TAF4B: variants seen among roughly 807,000 people sequenced by gnomAD.
The protein encoded by TAF4B is TATA-box binding protein associated factor 4b.
TAF4B carries 38 observed loss-of-function variants against 86.4 expected under a neutral mutation model. That is an observed-to-expected ratio of 0.44 (90% CI 0.34 to 0.58). The LOEUF (loss-of-function observed/expected upper bound fraction) is 0.58. Among genes scored for constraint, TAF4B ranks in the 20% least tolerant of loss-of-function variants. The pLI is 0.02. For synonymous variants in TAF4B, 388 were observed against 391.2 expected (o/e 0.99, Z 0.10); for missense variants, 988 against 1,027.6 (o/e 0.96, Z 0.53).
Position 26,335,221 on chromosome 18 carries a change from A to C in TAF4B, c.2306A>C (p.Lys769Thr). The change falls in exon 13 of 15, where the codon AAA becomes ACA. Residue 769 changes from lysine (K) to threonine (T), a missense_variant. This residue lies in a region of TAF4B where 216 missense variants were observed against 238.4 expected (regional missense o/e 0.91). Transcript: ENST00000269142. ...CCAGAACAGCTGAGATTAAAGCAGAAAGCCAAAGAGGTAGGACTTTCAAGT... is the reference window on the plus strand; with the variant it reads ...CCAGAACAGCTGAGATTAAAGCAGACAGCCAAAGAGGTAGGACTTTCAAGT... ...EDPEQLRLKQ[K>T]AKELQQLELA... 6.2e-7 allele frequency: 1 copy of C among 1,613,678 alleles called. No homozygotes were observed. The highest frequency in any genetic ancestry group is 8.5e-7 in the Non-Finnish European group (1 of 1,179,706).
chr18:26,391,483 A>G lies in TAF4B; in HGVS notation c.*1471A>G, dbSNP rs531509946. The G allele has an allele frequency of 6.3e-4, 96 of 152,008 alleles. 2 individuals carry two copies. The highest frequency in any genetic ancestry group is 2.2e-3 in the African/African-American group (90 of 41,518). The allele number at this position is 152,008 out of a possible 1,614,324, so 9.4% of individuals were successfully genotyped here. Reference sequence around the variant, plus strand: ...TGGCCACATTTTTTTTTGTTTCAGCAAGTTATGTAAAATGCTATAAATTAT... The same window carrying G: ...TGGCCACATTTTTTTTTGTTTCAGCGAGTTATGTAAAATGCTATAAATTAT... On this transcript the variant is annotated 3_prime_UTR_variant, in exon 15 of 15. Transcript: ENST00000269142.
intron 14 of TAF4B, among the ~76,000 whole-genome samples, chr18:26,380,552 T>A (rs2057471155): frequency 6.6e-6 from 1 of 152,368 alleles, no homozygotes; most frequent in Middle Eastern, 3.4e-3. Context: ...AATGTCTTTC[T>A]CGTGAATTGC....
Position 26,292,236 on chromosome 18 carries a change from AT to A in TAF4B, c.1591-8del, listed in dbSNP as rs1568132565. ...TTGAACAACTATATTGATAGTTCTCATTGTTTCAGGTAGTTCAGCAGCCTTC... is the reference window on the plus strand; with the variant it reads ...TTGAACAACTATATTGATAGTTCTCATGTTTCAGGTAGTTCAGCAGCCTTC... On this transcript the variant is annotated splice_polypyrimidine_tract_variant and intron_variant, in intron 7 of 14. Transcript: ENST00000269142. 4.3e-6 allele frequency: 7 copies of A among 1,612,262 alleles called. No homozygotes were observed. Among genetic ancestry groups the A allele is most frequent in the South Asian group, 3.3e-5 (3 of 90,598 alleles).
At chr18:26,292,069 C>T (rs961435833) in intron 7 of TAF4B, among the ~76,000 whole-genome samples, 177 bp from the exon 8 acceptor site, 4 of 152,054 alleles carry the variant, frequency 2.6e-5, no homozygotes, top group Non-Finnish European at 4.4e-5. Flanking sequence ...GAGATAGTAA[C>T]GTTTTTCACT....
intron 14 of TAF4B, among the ~76,000 whole-genome samples, chr18:26,359,233 A>G (rs2057312488): frequency 6.6e-6 from 1 of 152,212 alleles, no homozygotes; most frequent in African/African-American, 2.4e-5. Flanking sequence ...ACTGTATTTA[A>G]GTAAACCATA....
chr18:26,233,706 C>T (rs1347189118), intron 1 of TAF4B, among the ~76,000 whole-genome samples: 1 of 152,164 alleles, frequency 6.6e-6, no homozygotes, highest in African/African-American at 2.4e-5. Flanking sequence ...AGGACTTAAA[C>T]CACTTCCTCA....
intron 13 of TAF4B, 117 bp from the exon 14 acceptor site, chr18:26,357,573 T>A: frequency 1.6e-6 from 1 of 613,972 alleles, no homozygotes; most frequent in Non-Finnish European, 2.6e-6. Flanking sequence ...AATCTAATGT[T>A]TATTTTATAT....
chr18:26,390,942 T>C lies in TAF4B; in HGVS notation c.*930T>C, dbSNP rs1978672043. Reference sequence around the variant, plus strand: ...GTATTTCAAAAGGAAAATGTTATTTTTTGTTTTGTATTGTTTTAAATCCCA... The same window carrying C: ...GTATTTCAAAAGGAAAATGTTATTTCTTGTTTTGTATTGTTTTAAATCCCA... On this transcript the variant is annotated 3_prime_UTR_variant, in exon 15 of 15. Coordinates refer to ENST00000269142, the MANE Select transcript of TAF4B (RefSeq NM_005640.3). 6.6e-6 allele frequency: 1 copy of C among 152,238 alleles called. No individual in the cohort carries two copies. Among genetic ancestry groups the C allele is most frequent in the African/African-American group, 2.4e-5 (1 of 41,464 alleles). 9.4% of individuals were successfully genotyped at this position (152,238 alleles called of 1,614,324 possible).
chr18:26,358,626 C>T (rs1337995649), intron 14 of TAF4B, among the ~76,000 whole-genome samples: 2 of 152,166 alleles, frequency 1.3e-5, no homozygotes, highest in Admixed American at 6.5e-5. Flanking sequence ...AGGAGAATGG[C>T]GTGAACCCGG....
Position 26,346,895 on chromosome 18 carries a change from A to G in TAF4B, c.2317-10795A>G, listed in dbSNP as rs1289370902. On this transcript the variant is annotated intron_variant, in intron 13 of 14. Coordinates refer to ENST00000269142, the MANE Select transcript of TAF4B (RefSeq NM_005640.3). ...TATATGTGTATATATATATATATAT[A>G]TATATGTGTGTGTATATATATATAT... Among the ~76,000 whole-genome samples, 14 of 9,888 alleles carry G rather than the reference A, an allele frequency of 1.4e-3. 1 individual carries two copies. The highest frequency in any genetic ancestry group is 1.9e-3 in the African/African-American group (10 of 5,230). The allele number at this position is 9,888 out of a possible 152,430, so 6.5% of individuals were successfully genotyped here.
chr18:26,288,508 A>G (rs2144602523), intron 7 of TAF4B, among the ~76,000 whole-genome samples: 1 of 152,188 alleles, frequency 6.6e-6, no homozygotes, highest in African/African-American at 2.4e-5. Flanking sequence ...GGTGGTGGGC[A>G]CCTGTAATCC....
At chr18:26,256,074 C>G (rs117250420) in intron 1 of TAF4B, 62 of 1,402,880 alleles carry the variant, frequency 4.4e-5, no homozygotes, top group Non-Finnish European at 6.3e-5. Context: ...GATAGAGTCA[C>G]TTTCTTTGGT....
intron 14 of TAF4B, among the ~76,000 whole-genome samples, chr18:26,371,900 G>T (rs948034143): frequency 1.3e-5 from 2 of 152,168 alleles, no homozygotes; most frequent in Admixed American, 1.3e-4. Context: ...TCCTCAAAGG[G>T]CCTGCAGCCA....
chr18:26,255,550 C>G, intron 1 of TAF4B: 1 of 540,014 alleles, frequency 1.9e-6, no homozygotes, highest in South Asian at 2.8e-5. Flanking sequence ...TGCAGTGAGC[C>G]AAGATCACGC....
intron 1 of TAF4B, among the ~76,000 whole-genome samples, chr18:26,261,036 C>T (rs995859765): frequency 1.5e-4 from 23 of 152,152 alleles, no homozygotes. Flanking sequence ...CTGGTCCCCA[C>T]TCCTTGGGTG....
At chr18:26,272,914 AACTT>A (rs1422230129) in intron 3 of TAF4B, among the ~76,000 whole-genome samples, 12 of 152,108 alleles carry the variant, frequency 7.9e-5, no homozygotes, top group East Asian at 1.9e-4. Context: ...AAATTGTACT[AACTT>A]AGGTGTAATT....
At chr18:26,383,061 A>C (rs1218028331) in intron 14 of TAF4B, among the ~76,000 whole-genome samples, 3 of 152,162 alleles carry the variant, frequency 2.0e-5, no homozygotes, top group Non-Finnish European at 4.4e-5. Context: ...AAAAGGAAAA[A>C]TATTTTGTTC....
chr18:26,230,751 G>A (rs1365890422), intron 1 of TAF4B, among the ~76,000 whole-genome samples: 1 of 152,098 alleles, frequency 6.6e-6, no homozygotes, highest in African/African-American at 2.4e-5. Context: ...ACAAGTCCCT[G>A]CTTCTGTAAT....
intron 1 of TAF4B, among the ~76,000 whole-genome samples, chr18:26,259,251 T>C (rs1042562297): frequency 5.9e-5 from 9 of 151,870 alleles, no homozygotes; most frequent in African/African-American, 2.2e-4. Context: ...TCTTTAATGG[T>C]GTTCCATGTT....
Sources: gnomAD v4.1 joint callset for allele counts (sites outside exome capture counted in the v4.1 genomes callset) on GRCh38, gnomAD v4.1.1 for gene constraint, gnomAD v4.1.1 regional missense constraint, MANE v1.5 for transcripts, NCBI Gene and HGNC (gene_info 2026-07-23, HGNC 2026-07-21) for gene names.